The following SPAG16 variants were observed in gnomAD, a reference collection of about 807,000 sequenced individuals.
SPAG16 encodes sperm associated antigen 16, also known as sperm-associated antigen 16 protein.
Under a neutral mutation model 80.4 loss-of-function variants are expected in SPAG16, and 86 were observed. The ratio of observed to expected loss-of-function variants is 1.07; its 90% CI spans 0.90 to 1.28. SPAG16 has a LOEUF of 1.28. Among genes scored for constraint, SPAG16 ranks in the 50% most tolerant of loss-of-function variants. The pLI is 0.00. For synonymous variants in SPAG16, 294 were observed against 265.9 expected (o/e 1.11, Z -1.03); for missense variants, 870 against 765.3 (o/e 1.14, Z -1.61).
At chr2:213,492,001 A>G (rs1451395597) in intron 10 of SPAG16, among the ~76,000 whole-genome samples, 2 of 152,156 alleles carry the variant, frequency 1.3e-5, no homozygotes, top group South Asian at 2.1e-4. Flanking sequence ...CTTTGGGACA[A>G]CTTACTTACA....
chr2:213,526,496 G>T (rs554926254), intron 10 of SPAG16, among the ~76,000 whole-genome samples: 2 of 152,176 alleles, frequency 1.3e-5, no homozygotes, highest in South Asian at 2.1e-4. Flanking sequence ...GATCTTTCCA[G>T]CACCCCTTTG....
At chr2:214,230,126 A>G (rs910199388) in intron 15 of SPAG16, among the ~76,000 whole-genome samples, 17 of 151,936 alleles carry the variant, frequency 1.1e-4, no homozygotes, top group African/African-American at 3.4e-4. Context: ...CAGCCTCCTC[A>G]TTTTAATTAT....
At chr2:213,735,321 A>T (rs1399104144) in intron 10 of SPAG16, among the ~76,000 whole-genome samples, 1 of 152,176 alleles carries the variant, frequency 6.6e-6, no homozygotes, top group African/African-American at 2.4e-5. Context: ...TTCTCAATTC[A>T]AAATAAAAAT....
intron 9 of SPAG16, among the ~76,000 whole-genome samples, chr2:213,418,632 A>G (rs2069407234): frequency 6.6e-6 from 1 of 152,028 alleles, no homozygotes; most frequent in African/African-American, 2.4e-5. Context: ...TGATCCTGGC[A>G]CTACTCTTTT....
chr2:213,699,245 GT>G (rs2065295903), intron 10 of SPAG16, among the ~76,000 whole-genome samples: 1 of 150,944 alleles, frequency 6.6e-6, no homozygotes, highest in Admixed American at 6.6e-5. Context: ...TTTTCCTTAC[GT>G]TGTTCTCCTT....
intron 15 of SPAG16, among the ~76,000 whole-genome samples, chr2:214,160,365 T>G (rs2056390385): frequency 6.6e-6 from 1 of 151,986 alleles, no homozygotes; most frequent in Admixed American, 6.6e-5. Flanking sequence ...GTACCATTTT[T>G]CCTTATCCAA....
At chr2:214,118,318 G>T (rs1235540574) in intron 14 of SPAG16, among the ~76,000 whole-genome samples, 1 of 152,068 alleles carries the variant, frequency 6.6e-6, no homozygotes, top group Non-Finnish European at 1.5e-5. Context: ...AAATAATGAT[G>T]ACAGGAAATA....
At chr2:213,852,515 C>T (rs956507153) in intron 10 of SPAG16, among the ~76,000 whole-genome samples, 1 of 152,096 alleles carries the variant, frequency 6.6e-6, no homozygotes, top group Admixed American at 6.5e-5. Flanking sequence ...TCAGTCACCT[C>T]GGCTTTCCTT....
intron 10 of SPAG16, among the ~76,000 whole-genome samples, chr2:213,598,159 C>T (rs566464831): frequency 6.6e-6 from 1 of 152,234 alleles, no homozygotes; most frequent in East Asian, 1.9e-4. Context: ...TTCTGTACCC[C>T]ATTAAGTGGT....
At chr2:213,589,097 A>C (rs1198213155) in intron 10 of SPAG16, among the ~76,000 whole-genome samples, 1 of 152,156 alleles carries the variant, frequency 6.6e-6, no homozygotes, top group Admixed American at 6.5e-5. Flanking sequence ...TAAACTGTTG[A>C]TTACATTTTA....
Position 214,018,729 on chromosome 2 carries a change from G to A in SPAG16, c.1527+4652G>A, listed in dbSNP as rs144761725. ...ACATTTTGTCACCTCAATGTGATCA[G>A]TTACTATTGAGACACCCTCTGAAAT... On this transcript the variant is annotated intron_variant, in intron 13 of 15. Coordinates refer to ENST00000331683, the MANE Select transcript of SPAG16 (RefSeq NM_024532.5). Among the ~76,000 whole-genome samples, 321 of 152,244 alleles carry A rather than the reference G, an allele frequency of 2.1e-3. 2 individuals are homozygous for A. Among genetic ancestry groups the A allele is most frequent in the African/African-American group, 7.5e-3 (313 of 41,550 alleles).
At chr2:213,605,534 G>A (rs1163793332) in intron 10 of SPAG16, among the ~76,000 whole-genome samples, 1 of 152,004 alleles carries the variant, frequency 6.6e-6, no homozygotes, top group East Asian at 1.9e-4. Flanking sequence ...TTGTTCCCTG[G>A]GCTAGTGTGC....
At chr2:213,312,758 TAAG>T (rs1352601990) in intron 4 of SPAG16, among the ~76,000 whole-genome samples, 1 of 151,800 alleles carries the variant, frequency 6.6e-6, no homozygotes, top group Non-Finnish European at 1.5e-5. Flanking sequence ...GATTGTAAAT[TAAG>T]AGTATATTTC....
At chr2:214,135,758 T>C (rs564670054) in intron 14 of SPAG16, among the ~76,000 whole-genome samples, 1 of 152,054 alleles carries the variant, frequency 6.6e-6, no homozygotes, top group South Asian at 2.1e-4. Context: ...TCACTCTTGC[T>C]TTTCTCTCTT....
intron 11 of SPAG16, among the ~76,000 whole-genome samples, chr2:213,901,180 ATATTCAT>A (rs1217434197): frequency 6.6e-6 from 1 of 152,178 alleles, no homozygotes; most frequent in Admixed American, 6.5e-5. Context: ...TACTTTATGG[ATATTCAT>A]TAATTAATAA....
At chr2:213,945,108 A>G (rs1307126490) in intron 12 of SPAG16, among the ~76,000 whole-genome samples, 1 of 151,744 alleles carries the variant, frequency 6.6e-6, no homozygotes, top group Non-Finnish European at 1.5e-5. Context: ...ATACTATAAG[A>G]CAGTGTATTA....
At chr2:213,968,466 T>G (rs1298883369) in intron 12 of SPAG16, among the ~76,000 whole-genome samples, 1 of 152,178 alleles carries the variant, frequency 6.6e-6, no homozygotes, top group African/African-American at 2.4e-5. Context: ...GTGCTGGGAT[T>G]ATAGGTGTGA....
chr2:213,779,667 G>C (rs1293747042), intron 10 of SPAG16, among the ~76,000 whole-genome samples: 2 of 152,190 alleles, frequency 1.3e-5, no homozygotes, highest in South Asian at 2.1e-4. Context: ...TGAGATGATT[G>C]ACATATCTGG....
chr2:213,636,018 T>C (rs1354905842), intron 10 of SPAG16, among the ~76,000 whole-genome samples: 1 of 152,226 alleles, frequency 6.6e-6, no homozygotes, highest in Non-Finnish European at 1.5e-5. Flanking sequence ...CATGAACTCT[T>C]AGCCTAAGCC....
Sources: gnomAD v4.1 joint callset for allele counts (sites outside exome capture counted in the v4.1 genomes callset) on GRCh38, gnomAD v4.1.1 for gene constraint, MANE v1.5 for transcripts, NCBI Gene and HGNC (gene_info 2026-07-23, HGNC 2026-07-21) for gene names.